RASGEF1A: variants seen among roughly 807,000 people sequenced by gnomAD.
RASGEF1A encodes ras-GEF domain-containing family member 1A.
Under a neutral mutation model 56.4 loss-of-function variants are expected in RASGEF1A, and 18 were observed. The ratio of observed to expected loss-of-function variants is 0.32; its 90% CI spans 0.22 to 0.47. The LOEUF (loss-of-function observed/expected upper bound fraction) is 0.47. RASGEF1A is among the 20% of genes least tolerant of loss of function. The probability of loss-of-function intolerance (pLI) is 1.00; values close to 1 mark genes in which losing one functional copy is unlikely to be tolerated. For missense variants in RASGEF1A, 422 were observed against 627.1 expected, an observed-to-expected ratio of 0.67 and a Z score of 3.49; for synonymous variants, 245 against 242.6, an observed-to-expected ratio of 1.01 and a Z score of -0.09.
chr10:43,215,613 G>T (rs919279828), intron 1 of RASGEF1A, among the ~76,000 whole-genome samples: 5 of 152,224 alleles, frequency 3.3e-5, no homozygotes, highest in African/African-American at 1.2e-4. Context: ...ACCGGCACTG[G>T]GGTGGGGAAG....
At chr10:43,209,162 A>C in intron 1 of RASGEF1A, 3 of 985,490 alleles carry the variant, frequency 3.0e-6, no homozygotes, top group Non-Finnish European at 3.6e-6. Context: ...TCTTGGCTCC[A>C]GTCACAGCAA....
At chr10:43,222,535 C>T (rs974603883) in intron 1 of RASGEF1A, among the ~76,000 whole-genome samples, 4 of 152,228 alleles carry the variant, frequency 2.6e-5, no homozygotes, top group South Asian at 2.1e-4. Flanking sequence ...AGAGCTTCTG[C>T]GTAGGCAAGC....
At chr10:43,259,429 C>T (rs1836488040) in intron 1 of RASGEF1A, among the ~76,000 whole-genome samples, 1 of 152,178 alleles carries the variant, frequency 6.6e-6, no homozygotes, top group South Asian at 2.1e-4. Context: ...AAGGGCCGAG[C>T]AGTGCAGGGG....
intron 1 of RASGEF1A, among the ~76,000 whole-genome samples, chr10:43,233,315 CGT>C (rs376496591): frequency 3.7e-4 from 56 of 150,728 alleles, no homozygotes; most frequent in African/African-American, 7.1e-4. Flanking sequence ...TGTGTGTGTG[CGT>C]GTGTGTGTGT....
intron 1 of RASGEF1A, among the ~76,000 whole-genome samples, chr10:43,248,814 A>G (rs2133223191): frequency 6.6e-6 from 1 of 152,286 alleles, no homozygotes; most frequent in Non-Finnish European, 1.5e-5. Context: ...GCCCTGTTCT[A>G]GGCAGTGGAA....
At chr10:43,203,259 C>T (rs759273856) in intron 3 of RASGEF1A, 39 bp downstream of exon 3, 3 of 1,530,676 alleles carry the variant, frequency 2.0e-6, no homozygotes, top group South Asian at 2.4e-5. Flanking sequence ...GCCTCCTGCC[C>T]CCTGCCCCCG....
chr10:43,260,179 A>G (rs1305516042), intron 1 of RASGEF1A, among the ~76,000 whole-genome samples: 1 of 152,172 alleles, frequency 6.6e-6, no homozygotes, highest in Non-Finnish European at 1.5e-5. Context: ...GCATCTGGGT[A>G]TAAATGCACA....
chr10:43,198,879 A>C, intron 9 of RASGEF1A, 54 bp downstream of exon 9: 1 of 1,529,034 alleles, frequency 6.5e-7, no homozygotes, highest in Non-Finnish European at 9.0e-7. Flanking sequence ...CCTTCGGGCC[A>C]TTGCGGGACG....
intron 7 of RASGEF1A, among the ~76,000 whole-genome samples, chr10:43,199,408 C>T (rs918557215): frequency 2.0e-5 from 3 of 152,180 alleles, no homozygotes; most frequent in African/African-American, 7.2e-5. Flanking sequence ...CACCATCTGC[C>T]CCAGAGGGCT....
intron 1 of RASGEF1A, among the ~76,000 whole-genome samples, chr10:43,209,580 C>T (rs1203343873): frequency 6.6e-6 from 1 of 152,212 alleles, no homozygotes; most frequent in Non-Finnish European, 1.5e-5. Flanking sequence ...AGCTGATTCC[C>T]ACCAGCATGA....
At chr10:43,225,064 CTG>C (rs1491000502) in intron 1 of RASGEF1A, among the ~76,000 whole-genome samples, 2 of 150,456 alleles carry the variant, frequency 1.3e-5, no homozygotes, top group African/African-American at 4.9e-5. Context: ...GTCTGTGTGT[CTG>C]TGTTTCTCTG....
chr10:43,203,747 C>G, intron 2 of RASGEF1A: 1 of 1,084,432 alleles, frequency 9.2e-7, no homozygotes, highest in South Asian at 2.7e-5. Flanking sequence ...TGGTAGGGCT[C>G]CATGGTGCTC....
rs375686822 is a variant in RASGEF1A, at chr10:43,206,112, G to C, written c.5C>G (p.Pro2Arg). 9 of 1,578,936 alleles carry C rather than the reference G, an allele frequency of 5.7e-6. No individual in the cohort carries two copies. Among genetic ancestry groups the C allele is most frequent in the Non-Finnish European group, 6.9e-6 (8 of 1,162,728 alleles). Residue 2 changes from proline (P) to arginine (R), a missense_variant, in exon 2 of 13, where the codon CCC becomes CGC. Around this residue, in one of 2 missense-constraint regions of RASGEF1A, gnomAD observed 273 missense variants for 339.9 expected, o/e 0.80. Coordinates refer to ENST00000395810, the MANE Select transcript of RASGEF1A (RefSeq NM_145313.4). M[P>R]QTSVVFSSIL... ...GCTGGAGAAGACAACGGACGTCTGG[G>C]GCATAGTTTCCTGGGAGAAAAGAGC... is the stretch of plus-strand genomic sequence containing the variant.
chr10:43,266,726 C>T (rs1466025985), intron 1 of RASGEF1A, 119 bp downstream of exon 1: 5 of 146,140 alleles, frequency 3.4e-5, no homozygotes, highest in African/African-American at 9.8e-5. Context: ...ACGACGGCCG[C>T]GCCGGGAGGG....
At chr10:43,233,480 T>C (rs1840397054) in intron 1 of RASGEF1A, among the ~76,000 whole-genome samples, 1 of 152,162 alleles carries the variant, frequency 6.6e-6, no homozygotes, top group African/African-American at 2.4e-5. Flanking sequence ...TGAAGACATA[T>C]TTCACTGAAA....
rs1329741323 is a variant in RASGEF1A at position 43,201,034 on chromosome 10, A to G, written c.460-146T>C. ...TCTAAACCGCAGCCTTCAGGCCTTC[A>G]AGGACAAAGTGGGGCACAGCATGGG... On this transcript the variant is annotated intron_variant, in intron 4 of 12. Coordinates refer to ENST00000395810, the MANE Select transcript of RASGEF1A (RefSeq NM_145313.4). 2.7e-5 allele frequency: 19 copies of G among 695,720 alleles called. No individual in the cohort carries two copies. The East Asian group carries it at 5.1e-4, about 19-fold the overall frequency. The allele number at this position is 695,720 out of a possible 1,614,324, so 43.1% of individuals were successfully genotyped here. A position where few individuals can be genotyped will look rare whatever the true frequency, so the allele number is the denominator to read the frequency against.
At chr10:43,259,124 T>C (rs1306711232) in intron 1 of RASGEF1A, among the ~76,000 whole-genome samples, 1 of 152,212 alleles carries the variant, frequency 6.6e-6, no homozygotes, top group Non-Finnish European at 1.5e-5. Context: ...GTCCCAGGGC[T>C]GGCAGCCAGG....
intron 1 of RASGEF1A, among the ~76,000 whole-genome samples, chr10:43,233,553 G>T (rs1329138489): frequency 6.6e-6 from 1 of 152,212 alleles, no homozygotes; most frequent in Non-Finnish European, 1.5e-5. Flanking sequence ...ATCTGGGAAA[G>T]GCACTAAACT....
chr10:43,262,249 C>T (rs532009753), intron 1 of RASGEF1A, among the ~76,000 whole-genome samples: 12 of 152,316 alleles, frequency 7.9e-5, no homozygotes, highest in Admixed American at 6.5e-4. Context: ...GCCTCCTCCA[C>T]GGAAGCTACT....
Sources: allele counts gnomAD v4.1 joint callset (sites outside exome capture counted in the v4.1 genomes callset), GRCh38; gene constraint gnomAD v4.1.1; regional missense constraint gnomAD v4.1.1; transcripts MANE v1.5; gene names NCBI Gene and HGNC (gene_info 2026-07-23, HGNC 2026-07-21).